TGIF1: variants seen among roughly 807,000 people sequenced by gnomAD.
TGIF1 encodes the protein TGFB induced factor homeobox 1, also known as homeobox protein TGIF1.
Under a neutral mutation model 19.3 loss-of-function variants are expected in TGIF1, and 4 were observed. The observed-to-expected ratio is 0.21, with a 90% confidence interval of 0.10 to 0.47. The LOEUF (loss-of-function observed/expected upper bound fraction) is 0.47, where lower values mean the gene tolerates loss of function less well. TGIF1 is among the 20% of genes least tolerant of loss of function. The pLI is 0.98. For missense variants in TGIF1, 275 were observed against 341.4 expected, an observed-to-expected ratio of 0.81 and a Z score of 1.53; for synonymous variants, 122 against 129.3, an observed-to-expected ratio of 0.94 and a Z score of 0.38.
At chr18:3,419,361 C>T (rs950457860) in intron 2 of TGIF1, among the ~76,000 whole-genome samples, 2 of 152,190 alleles carry the variant, frequency 1.3e-5, no homozygotes, top group Non-Finnish European at 2.9e-5. Flanking sequence ...GTCCCCCATT[C>T]GACAGATTTC....
Position 3,451,582 on chromosome 18 carries a change from T to G in TGIF1, c.16+1077T>G, listed in dbSNP as rs2082934192. ...GCGCATGCCCGGGAGCCGCCTGGAG[T>G]TTGGAACTCCACATTCTTTCAGACC... On this transcript the variant is annotated intron_variant, in intron 1 of 2. Transcript: ENST00000343820. This position sits in a 1 kb window ranked among gnomAD's most constrained non-coding sequence, Gnocchi z 5.4. The G allele has an allele frequency of 3.9e-6, 4 of 1,023,468 alleles. No individual in the cohort carries two copies. The highest frequency in any genetic ancestry group is 2.3e-6 in the Non-Finnish European group (2 of 855,578). The allele number at this position is 1,023,468 out of a possible 1,614,324, so 63.4% of individuals were successfully genotyped here. A position where few individuals can be genotyped will look rare whatever the true frequency, so the allele number is the denominator to read the frequency against.
At chr18:3,433,057 CCTT>C (rs1168088521) in intron 2 of TGIF1, among the ~76,000 whole-genome samples, 39 of 151,454 alleles carry the variant, frequency 2.6e-4, no homozygotes, top group Admixed American at 3.9e-4. Context: ...CTGCGCCTGG[CCTT>C]CTTCTTCTTC....
upstream of TGIF1, chr18:3,447,747 G>C (rs2082768670): frequency 6.2e-7 from 1 of 1,614,158 alleles, no homozygotes; most frequent in Non-Finnish European, 8.5e-7. Flanking sequence ...GATATGACTT[G>C]CTCGGGCAAA....
chr18:3,457,066 C>T lies in TGIF1; in HGVS notation c.244-299C>T. ...GGGGAGAGTTAAAAAGTAAACCTCT[C>T]TCTCAAATCATTTTTAAGCATTTGA... On this transcript the variant is annotated intron_variant, in intron 2 of 2. Coordinates refer to ENST00000343820, the MANE Select transcript of TGIF1 (RefSeq NM_003244.4). This position sits in a 1 kb window ranked among gnomAD's most constrained non-coding sequence, Gnocchi z 4.9. 1 of 560,012 alleles carries T rather than the reference C, an allele frequency of 1.8e-6. No individual in the cohort carries two copies. The highest frequency in any genetic ancestry group is 3.2e-6 in the Non-Finnish European group (1 of 316,690). The allele number at this position is 560,012 out of a possible 1,614,324, so 34.7% of individuals were successfully genotyped here.
chr18:3,441,464 T>C (rs550400925), intron 2 of TGIF1, among the ~76,000 whole-genome samples: 1 of 152,266 alleles, frequency 6.6e-6, no homozygotes, highest in African/African-American at 2.4e-5. Context: ...GGCTGTGGTG[T>C]GCGTGGTAGA....
upstream of TGIF1, among the ~76,000 whole-genome samples, chr18:3,448,773 A>G (rs1305875457): frequency 2.1e-5 from 3 of 142,466 alleles, no homozygotes; most frequent in African/African-American, 8.5e-5. Flanking sequence ...AGTTCCTGAA[A>G]CAGACGCTCC....
chr18:3,444,286 CTTTTT>C (rs57205118), intron 2 of TGIF1, among the ~76,000 whole-genome samples: 1 of 122,232 alleles, frequency 8.2e-6, no homozygotes, highest in Non-Finnish European at 1.6e-5. Flanking sequence ...ACTTTCTTTT[CTTTTT>C]TTTTTTTTTT....
chr18:3,424,334 A>C (rs1416532699), intron 2 of TGIF1, among the ~76,000 whole-genome samples: 1 of 152,180 alleles, frequency 6.6e-6, no homozygotes, highest in Non-Finnish European at 1.5e-5. Context: ...TCATCATGTT[A>C]TTAACTACAA....
At position 3,456,768 on chromosome 18, in the gene TGIF1, C is replaced by T. The variant is rs1394461621; in HGVS notation, c.243+188C>T. The T allele has an allele frequency of 2.9e-6, 2 of 696,888 alleles. No individual in the cohort carries two copies. The highest frequency in any genetic ancestry group is 5.4e-5 in the East Asian group (2 of 37,180). The allele number at this position is 696,888 out of a possible 1,614,324, so 43.2% of individuals were successfully genotyped here. ...AGAGAACACAGAAACACTTGACAGTCATCTATCAGATAGCATTTCCTTTAA... is the reference window on the plus strand; with the variant it reads ...AGAGAACACAGAAACACTTGACAGTTATCTATCAGATAGCATTTCCTTTAA... On this transcript the variant is annotated intron_variant, in intron 2 of 2. Coordinates refer to ENST00000343820, the MANE Select transcript of TGIF1 (RefSeq NM_003244.4). This position sits in a 1 kb window ranked among gnomAD's most constrained non-coding sequence, Gnocchi z 4.2.
chr18:3,452,015 G>A, intron 1 of TGIF1: 2 of 1,608,330 alleles, frequency 1.2e-6, no homozygotes, highest in South Asian at 2.2e-5. Context: ...CTGCCGGGGT[G>A]GGCTCCCCGC....
upstream of TGIF1, chr18:3,449,928 G>A (rs2082845646): frequency 2.0e-6 from 2 of 986,136 alleles, no homozygotes; most frequent in African/African-American, 1.7e-5. Context: ...CCCCACCGCC[G>A]GGCGAGGGAT....
intron 1 of TGIF1, chr18:3,452,209 C>T (rs758522634): frequency 6.3e-7 from 1 of 1,591,970 alleles, no homozygotes; most frequent in South Asian, 1.1e-5. Context: ...CTCCTGGGGT[C>T]CTCCTGCGCC....
In TGIF1 at chr18:3,458,373, CT is replaced by C. The variant is rs397858239; in HGVS notation, c.*441del. On this transcript the variant is annotated 3_prime_UTR_variant, in exon 3 of 3. Transcript: ENST00000343820. ...AAGTATGAATCTAGTTGGTTGATGCCTTTTTTTTCATGACATAATAAAGTAT... is the reference window on the plus strand; with the variant it reads ...AAGTATGAATCTAGTTGGTTGATGCCTTTTTTTCATGACATAATAAAGTAT... 0.072 allele frequency: 11,904 copies of C among 165,382 alleles called. 1,275 individuals are homozygous for C. The highest frequency in any genetic ancestry group is 0.24 in the African/African-American group (10,012 of 41,382). 10.2% of individuals were successfully genotyped at this position (165,382 alleles called of 1,614,324 possible). A position where few individuals can be genotyped will look rare whatever the true frequency, so the allele number is the denominator to read the frequency against.
chr18:3,452,202 C>T (rs1192740785), intron 1 of TGIF1: 2 of 1,603,556 alleles, frequency 1.2e-6, no homozygotes, highest in East Asian at 2.2e-5. Flanking sequence ...CTCTGCGCTC[C>T]TGGGGTCCTC....
chr18:3,444,158 T>G (rs1431365869), intron 2 of TGIF1, among the ~76,000 whole-genome samples: 1 of 152,024 alleles, frequency 6.6e-6, no homozygotes, highest in Non-Finnish European at 1.5e-5. Flanking sequence ...TGGGCCAGGC[T>G]GGTCTCGAGG....
intron 1 of TGIF1, among the ~76,000 whole-genome samples, chr18:3,450,714 G>T (rs1040284734): frequency 6.6e-6 from 1 of 152,224 alleles, no homozygotes; most frequent in Non-Finnish European, 1.5e-5. Flanking sequence ...TGTGGGGCGA[G>T]CCTCTCCACG....
At chr18:3,434,830 C>T (rs117994945) in intron 2 of TGIF1, among the ~76,000 whole-genome samples, 17 of 152,300 alleles carry the variant, frequency 1.1e-4, no homozygotes, top group Non-Finnish European at 1.3e-4. Flanking sequence ...TTTGGTGACC[C>T]GTGACCCTCA....
chr18:3,420,162 G>A (rs2143128806), intron 2 of TGIF1, among the ~76,000 whole-genome samples: 1 of 152,214 alleles, frequency 6.6e-6, no homozygotes, highest in East Asian at 1.9e-4. Flanking sequence ...TGGATCACTT[G>A]AGGTCAGGCA....
At chr18:3,423,207 T>G (rs930371080) in intron 2 of TGIF1, among the ~76,000 whole-genome samples, 1 of 152,072 alleles carries the variant, frequency 6.6e-6, no homozygotes, top group Non-Finnish European at 1.5e-5. Context: ...TCAGAATGTC[T>G]CCCCGTCGTT....
Sources: gnomAD v4.1 joint callset for allele counts (sites outside exome capture counted in the v4.1 genomes callset) on GRCh38, gnomAD v4.1.1 for gene constraint, Gnocchi (gnomAD v3.1) non-coding constraint, MANE v1.5 for transcripts, NCBI Gene and HGNC (gene_info 2026-07-23, HGNC 2026-07-21) for gene names.